The following LCLAT1 variants were observed in gnomAD, a reference collection of about 807,000 sequenced individuals.
LCLAT1 encodes the protein lysocardiolipin acyltransferase 1, also known as 1-AGP acyltransferase 8.
A neutral mutation model predicts 30.7 loss-of-function variants in LCLAT1; 11 were observed. The ratio of observed to expected loss-of-function variants is 0.36; its 90% CI spans 0.23 to 0.59. The LOEUF (loss-of-function observed/expected upper bound fraction) is 0.59. Ranked by LOEUF, LCLAT1 falls within the 20% of genes least tolerant of loss-of-function variation. The probability of loss-of-function intolerance (pLI) is 0.77; values close to 1 mark genes in which losing one functional copy is unlikely to be tolerated. For synonymous variants in LCLAT1, 155 were observed against 151.3 expected (o/e 1.02, Z -0.18); for missense variants, 402 against 458.6 (o/e 0.88, Z 1.13).
chr2:30,539,404 T>A (rs1664009069), intron 3 of LCLAT1, among the ~76,000 whole-genome samples: 2 of 152,000 alleles, frequency 1.3e-5, no homozygotes, highest in African/African-American at 4.8e-5. Flanking sequence ...TAATCCAAGC[T>A]GGCACAATGA....
chr2:30,477,042 C>G (rs1683079141), intron 1 of LCLAT1, among the ~76,000 whole-genome samples: 1 of 152,202 alleles, frequency 6.6e-6, no homozygotes, highest in South Asian at 2.1e-4. Flanking sequence ...GATAGAATGA[C>G]ACAATCTTAC....
In LCLAT1 at chr2:30,567,955, A is replaced by G. The variant is rs759617053; in HGVS notation, c.512-105A>G. 5.2e-4 allele frequency: 323 copies of G among 626,882 alleles called. 1 individual carries two copies. Among genetic ancestry groups the G allele is most frequent in the Non-Finnish European group, 3.6e-4 (127 of 350,842 alleles). The allele number at this position is 626,882 out of a possible 1,614,324, so 38.8% of individuals were successfully genotyped here. A position where few individuals can be genotyped will look rare whatever the true frequency, so the allele number is the denominator to read the frequency against. On this transcript the variant is annotated intron_variant, in intron 4 of 5. Transcript: ENST00000379509. ...TTGACTCAGTATTCAGTAATTAGAGAATAATTAACAGCTATTTTTTATCAA... is the reference window on the plus strand; with the variant it reads ...TTGACTCAGTATTCAGTAATTAGAGGATAATTAACAGCTATTTTTTATCAA...
intron 1 of LCLAT1, among the ~76,000 whole-genome samples, chr2:30,458,631 G>A (rs1171034237): frequency 6.6e-6 from 1 of 152,116 alleles, no homozygotes; most frequent in Non-Finnish European, 1.5e-5. Flanking sequence ...TGTTTTATTG[G>A]GAGTGGAGAG....
In LCLAT1 at chr2:30,594,233, C is replaced by G. The variant is rs183369860; in HGVS notation, c.628+26057C>G. Reference sequence around the variant, plus strand: ...AAAAATCAAGTTTCATAAACTTGTTCCTGACAGAATACATGTGTTTCTCCA... The same window carrying G: ...AAAAATCAAGTTTCATAAACTTGTTGCTGACAGAATACATGTGTTTCTCCA... On this transcript the variant is annotated intron_variant, in intron 5 of 5. Coordinates refer to ENST00000379509, the MANE Select transcript of LCLAT1 (RefSeq NM_001002257.3). 5.3e-4 allele frequency among the ~76,000 whole-genome samples: 81 copies of G among 152,012 alleles called. 1 individual carries two copies. Among genetic ancestry groups the G allele is most frequent in the African/African-American group, 1.9e-3 (77 of 41,478 alleles).
At chr2:30,606,289 A>G (rs1553383151) in intron 5 of LCLAT1, 1 of 309,654 alleles carries the variant, frequency 3.2e-6, no homozygotes, top group Non-Finnish European at 6.3e-6. Context: ...AGACAATCTT[A>G]AGCAAAAAGA....
chr2:30,606,206 C>T (rs530850869), intron 5 of LCLAT1: 23 of 321,882 alleles, frequency 7.1e-5, no homozygotes, highest in East Asian at 4.5e-4. Flanking sequence ...ATTAAACTGC[C>T]GTTGACATTC....
chr2:30,519,734 A>G (rs1357148708), intron 1 of LCLAT1, among the ~76,000 whole-genome samples: 1 of 152,156 alleles, frequency 6.6e-6, no homozygotes, highest in East Asian at 1.9e-4. Context: ...ATCAGGATAT[A>G]AACCCAGGCA....
At chr2:30,554,745 G>C (rs1008650517) in intron 3 of LCLAT1, among the ~76,000 whole-genome samples, 1 of 152,106 alleles carries the variant, frequency 6.6e-6, no homozygotes, top group Admixed American at 6.5e-5. Context: ...TGAAGATTAA[G>C]AATATGATTT....
chr2:30,538,756 A>G (rs926975704), intron 3 of LCLAT1, among the ~76,000 whole-genome samples: 4 of 152,230 alleles, frequency 2.6e-5, no homozygotes, highest in African/African-American at 9.6e-5. Context: ...ACGAATTACT[A>G]TATGCCAGCC....
At chr2:30,459,456 C>A (rs1384656266) in intron 1 of LCLAT1, 3 of 667,424 alleles carry the variant, frequency 4.5e-6, no homozygotes. Flanking sequence ...GTCCCTGGGC[C>A]CGTAATCTGT....
chr2:30,473,695 A>G (rs991601234), intron 1 of LCLAT1, among the ~76,000 whole-genome samples: 4 of 152,178 alleles, frequency 2.6e-5, no homozygotes, highest in Non-Finnish European at 5.9e-5. Flanking sequence ...TATTGGATTG[A>G]CCATTTTCCT....
In LCLAT1 at chr2:30,640,504, C is replaced by G. The variant is rs779186236; in HGVS notation, c.1016C>G (p.Thr339Ser). ...CTTGTTAAGTGGTATTTTATAATCA[C>G]CATTGTAATCTTTGTGCTGCAAGAG... is the stretch of plus-strand genomic sequence containing the variant. ...YSLVKWYFII[T>S]IVIFVLQERI... The change falls in exon 6 of 6, where the codon ACC becomes AGC. Residue 339 changes from threonine to serine, a missense_variant. Thr to Ser is a moderately conservative substitution (Grantham distance 58). Transcript: ENST00000379509. The G allele has an allele frequency of 4.3e-6, 7 of 1,613,980 alleles. No individual in the cohort carries two copies. The East Asian group carries it at 1.3e-4, about 31-fold the overall frequency.
intron 3 of LCLAT1, chr2:30,552,444 T>A (rs1433665013): frequency 4.9e-6 from 2 of 407,416 alleles, no homozygotes; most frequent in East Asian, 1.5e-4. Context: ...TATTATGTAA[T>A]TATTACTTGC....
intron 5 of LCLAT1, among the ~76,000 whole-genome samples, chr2:30,605,098 C>T (rs1667373321): frequency 6.6e-6 from 1 of 152,202 alleles, no homozygotes; most frequent in South Asian, 2.1e-4. Flanking sequence ...TAACTTCCCA[C>T]CAGTTTTAGG....
intron 5 of LCLAT1, among the ~76,000 whole-genome samples, chr2:30,594,518 T>C (rs951696901): frequency 1.3e-5 from 2 of 152,236 alleles, no homozygotes; most frequent in Non-Finnish European, 1.5e-5. Flanking sequence ...TCAAGTTTTA[T>C]TGCTGTTTCA....
intron 3 of LCLAT1, among the ~76,000 whole-genome samples, chr2:30,548,544 G>A (rs949709671): frequency 1.3e-5 from 2 of 152,236 alleles, no homozygotes; most frequent in East Asian, 1.9e-4. Context: ...AAAGGATTGC[G>A]GAGACCAGGT....
intron 1 of LCLAT1, among the ~76,000 whole-genome samples, chr2:30,447,722 A>G (rs1681329769): frequency 6.6e-6 from 1 of 152,100 alleles, no homozygotes; most frequent in South Asian, 2.1e-4. Flanking sequence ...GAGCGTCAAA[A>G]CCTTCCTCCT....
intron 1 of LCLAT1, among the ~76,000 whole-genome samples, chr2:30,521,420 CA>C (rs1685460751): frequency 6.8e-6 from 1 of 146,956 alleles, no homozygotes; most frequent in African/African-American, 2.5e-5. Flanking sequence ...GGGTCTGGAT[CA>C]GGACAGCTTT....
chr2:30,530,692 T>C (rs1685940078), intron 2 of LCLAT1, among the ~76,000 whole-genome samples: 1 of 152,140 alleles, frequency 6.6e-6, no homozygotes, highest in East Asian at 1.9e-4. Context: ...GCTCTGGGCA[T>C]GTTCCACAAT....
Sources: allele counts gnomAD v4.1 joint callset (sites outside exome capture counted in the v4.1 genomes callset), GRCh38; gene constraint gnomAD v4.1.1; transcripts MANE v1.5; gene names NCBI Gene and HGNC (gene_info 2026-07-23, HGNC 2026-07-21).